The following FAM227B variants were observed in gnomAD, a reference collection of about 807,000 sequenced individuals.
FAM227B encodes the protein protein FAM227B.
A neutral mutation model predicts 73.8 loss-of-function variants in FAM227B; 88 were observed. The observed-to-expected ratio is 1.19, with a 90% confidence interval of 1.00 to 1.42. The LOEUF (loss-of-function observed/expected upper bound fraction) is 1.42. Among genes scored for constraint, FAM227B ranks in the 40% most tolerant of loss-of-function variants. The pLI is 0.00. For missense variants in FAM227B, 632 were observed against 590.9 expected (o/e 1.07, Z -0.72); for synonymous variants, 210 against 190.5 (o/e 1.10, Z -0.84).
intron 11 of FAM227B, among the ~76,000 whole-genome samples, chr15:49,384,923 TTC>T (rs1455450401): frequency 6.6e-6 from 1 of 152,044 alleles, no homozygotes; most frequent in Non-Finnish European, 1.5e-5. Flanking sequence ...ATACATACTA[TTC>T]TGTTTTTCAG....
chr15:49,365,327 A>T (rs192469112), intron 13 of FAM227B: 2 of 1,567,918 alleles, frequency 1.3e-6, no homozygotes, highest in African/African-American at 2.7e-5. Flanking sequence ...CACCAGAACA[A>T]CAAATGTAAG....
chr15:49,487,450 A>G (rs1240941869), intron 11 of FAM227B: 1 of 151,920 alleles, frequency 6.6e-6, no homozygotes, highest in African/African-American at 2.4e-5. Context: ...AAACCATAGT[A>G]TAAATTGTCA....
rs111343901 is a variant in FAM227B at position 49,365,843 on chromosome 15, G to A, written c.1271+1605C>T. 100 of 886,844 alleles carry A rather than the reference G, an allele frequency of 1.1e-4. 1 individual carries two copies. The highest frequency in any genetic ancestry group is 9.8e-4 in the African/African-American group (60 of 61,222). The allele number at this position is 886,844 out of a possible 1,614,324, so 54.9% of individuals were successfully genotyped here. A position where few individuals can be genotyped will look rare whatever the true frequency, so the allele number is the denominator to read the frequency against. The stretch of plus-strand genomic sequence containing the variant: ...AGTCTCACTTCCATGCTTTTGCCGC[G>A]ACACTCAATTGTGCATTGTCCATAT... On this transcript the variant is annotated intron_variant, in intron 13 of 15. Transcript: ENST00000299338.
chr15:49,558,946 T>C (rs1189650004), intron 9 of FAM227B, among the ~76,000 whole-genome samples: 1 of 152,030 alleles, frequency 6.6e-6, no homozygotes, highest in Admixed American at 6.5e-5. Context: ...CACCCACCAT[T>C]TACAAGCAGC....
At chr15:49,398,219 T>C (rs2047850228) in intron 11 of FAM227B, among the ~76,000 whole-genome samples, 1 of 151,950 alleles carries the variant, frequency 6.6e-6, no homozygotes, top group Non-Finnish European at 1.5e-5. Flanking sequence ...TACAACAGAC[T>C]TTAAACCAAC....
At chr15:49,471,449 C>T (rs1369328038) in intron 11 of FAM227B, among the ~76,000 whole-genome samples, 2 of 150,400 alleles carry the variant, frequency 1.3e-5, no homozygotes, top group Non-Finnish European at 3.0e-5. Context: ...CGCCACTGCA[C>T]TATAGCCTGA....
At chr15:49,536,111 T>C (rs1256532454) in intron 10 of FAM227B, among the ~76,000 whole-genome samples, 2 of 147,606 alleles carry the variant, frequency 1.4e-5, no homozygotes, top group Non-Finnish European at 3.0e-5. Context: ...AGAAAAAACT[T>C]GAAAATGGGA....
chr15:49,408,911 G>C (rs1179194979), intron 11 of FAM227B, among the ~76,000 whole-genome samples: 1 of 152,096 alleles, frequency 6.6e-6, no homozygotes, highest in Non-Finnish European at 1.5e-5. Flanking sequence ...TACATAGTAG[G>C]AGGTGTATAG....
chr15:49,397,837 T>C (rs7180009), intron 11 of FAM227B, among the ~76,000 whole-genome samples: 104,833 of 151,976 alleles, frequency 0.69, 36,583 homozygotes, highest in African/African-American at 0.76. Flanking sequence ...TAAAAGAGCT[T>C]CTGAAGGAAG....
intron 11 of FAM227B, among the ~76,000 whole-genome samples, chr15:49,404,738 A>G (rs2048402058): frequency 6.6e-6 from 1 of 151,982 alleles, no homozygotes; most frequent in Admixed American, 6.5e-5. Context: ...ATGTCTTCTA[A>G]TTGGGGTATT....
chr15:49,493,066 T>C (rs1449440922), intron 11 of FAM227B, among the ~76,000 whole-genome samples: 1 of 151,922 alleles, frequency 6.6e-6, no homozygotes, highest in African/African-American at 2.4e-5. Flanking sequence ...ATCACCAAGA[T>C]TGCTCAACTC....
At chr15:49,385,991 C>T (rs1427858157) in intron 11 of FAM227B, among the ~76,000 whole-genome samples, 3 of 151,778 alleles carry the variant, frequency 2.0e-5, no homozygotes, top group African/African-American at 7.3e-5. Flanking sequence ...GAAGCATCTA[C>T]ATTTATAAAA....
intron 11 of FAM227B, among the ~76,000 whole-genome samples, chr15:49,384,450 G>A (rs1416050024): frequency 6.6e-6 from 1 of 151,956 alleles, no homozygotes; most frequent in Non-Finnish European, 1.5e-5. Context: ...GGGTGGGGAC[G>A]AGTCTCAGAT....
At chr15:49,522,166 G>A (rs2059837240) in intron 10 of FAM227B, among the ~76,000 whole-genome samples, 1 of 152,102 alleles carries the variant, frequency 6.6e-6, no homozygotes, top group South Asian at 2.1e-4. Context: ...ATGTCCAAAA[G>A]CTATCTATAA....
At chr15:49,405,815 A>G (rs2199719) in intron 11 of FAM227B, among the ~76,000 whole-genome samples, 18,609 of 152,156 alleles carry the variant, frequency 0.12, 3,203 homozygotes, top group African/African-American at 0.38. Context: ...TGGAGCAAAG[A>G]AGGCACTCTG....
intron 10 of FAM227B, among the ~76,000 whole-genome samples, chr15:49,530,752 T>C (rs772907705): frequency 6.6e-6 from 1 of 151,764 alleles, no homozygotes; most frequent in Non-Finnish European, 1.5e-5. Context: ...AGATATATGT[T>C]AGACAAAAAA....
At chr15:49,454,616 T>TAA (rs1355158211) in intron 11 of FAM227B, among the ~76,000 whole-genome samples, 2 of 152,304 alleles carry the variant, frequency 1.3e-5, no homozygotes, top group Admixed American at 1.3e-4. Flanking sequence ...TTATTTTTTA[T>TAA]ATTATTTTTT....
At chr15:49,424,982 G>A (rs1038676887) in intron 11 of FAM227B, 1 of 153,412 alleles carries the variant, frequency 6.5e-6, no homozygotes, top group Non-Finnish European at 1.5e-5. Flanking sequence ...AAAGAGTAGG[G>A]AAATTATTTT....
At chr15:49,372,709 A>AT (rs2151484035) in intron 11 of FAM227B, among the ~76,000 whole-genome samples, 2 of 152,262 alleles carry the variant, frequency 1.3e-5, no homozygotes, top group African/African-American at 4.8e-5. Context: ...GTGTATCTTA[A>AT]CATCTGAGAA....
Sources: gnomAD v4.1 joint callset for allele counts (sites outside exome capture counted in the v4.1 genomes callset) on GRCh38, gnomAD v4.1.1 for gene constraint, MANE v1.5 for transcripts, NCBI Gene and HGNC (gene_info 2026-07-23, HGNC 2026-07-21) for gene names.